Variants in DISC1 observed in about 807,000 individuals in gnomAD.
The protein encoded by DISC1 is DISC1 scaffold protein.
Under a neutral mutation model 84.5 loss-of-function variants are expected in DISC1, and 57 were observed. The observed-to-expected ratio is 0.67, with a 90% confidence interval of 0.55 to 0.84. The LOEUF (loss-of-function observed/expected upper bound fraction) is 0.84. Among genes scored for constraint, DISC1 ranks in the 40% least tolerant of loss-of-function variants. The pLI, the probability that DISC1 is intolerant of heterozygous loss-of-function variation, is 0.00. For missense variants in DISC1, 1,000 were observed against 1,057.8 expected (o/e 0.95, Z 0.76); for synonymous variants, 411 against 415.2 (o/e 0.99, Z 0.12).
chr1:231,914,913 A>G (rs1392275863), intron 9 of DISC1, among the ~76,000 whole-genome samples: 1 of 152,240 alleles, frequency 6.6e-6, no homozygotes, highest in Non-Finnish European at 1.5e-5. Flanking sequence ...GTCCTGTACC[A>G]GTCAGGAGCC....
chr1:231,882,539 G>A (rs1170287223), intron 9 of DISC1, among the ~76,000 whole-genome samples: 2 of 152,142 alleles, frequency 1.3e-5, no homozygotes, highest in Non-Finnish European at 2.9e-5. Context: ...AATCCTCTGG[G>A]TGTCGTTTGA....
chr1:231,927,109 C>T (rs1337393765), intron 9 of DISC1, among the ~76,000 whole-genome samples: 1 of 152,210 alleles, frequency 6.6e-6, no homozygotes. Flanking sequence ...GTCCTTCCAA[C>T]TAGTTGCTCT....
intron 9 of DISC1, among the ~76,000 whole-genome samples, chr1:231,853,454 T>C (rs993047088): frequency 6.6e-6 from 1 of 152,218 alleles, no homozygotes; most frequent in Non-Finnish European, 1.5e-5. Context: ...TAGGCAATTG[T>C]CACACTGTAA....
chr1:231,769,066 A>G (rs886854846), intron 5 of DISC1, among the ~76,000 whole-genome samples: 12 of 152,166 alleles, frequency 7.9e-5, no homozygotes, highest in Admixed American at 7.2e-4. Context: ...GGGCCTTGTA[A>G]GGATGTGGAC....
At chr1:231,978,875 G>A (rs1475780611) in intron 10 of DISC1, among the ~76,000 whole-genome samples, 7 of 152,130 alleles carry the variant, frequency 4.6e-5, no homozygotes, top group East Asian at 1.9e-4. Context: ...TGTAGATCAG[G>A]GGTCTCCAAC....
chr1:231,827,825 G>A (rs1171230644), intron 9 of DISC1, among the ~76,000 whole-genome samples: 1 of 152,148 alleles, frequency 6.6e-6, no homozygotes, highest in Non-Finnish European at 1.5e-5. Context: ...ACAACCCTGA[G>A]TGAATGCACT....
chr1:231,706,421 CT>C (rs555969298), intron 3 of DISC1, among the ~76,000 whole-genome samples: 180 of 152,290 alleles, frequency 1.2e-3, no homozygotes, highest in African/African-American at 4.2e-3. Flanking sequence ...CTAGTTGTTC[CT>C]GCACCTGTTT....
intron 7 of DISC1, among the ~76,000 whole-genome samples, chr1:231,797,912 G>C (rs1281335209): frequency 1.3e-5 from 2 of 151,992 alleles, no homozygotes; most frequent in Admixed American, 1.3e-4. Flanking sequence ...GTGCAGAGGT[G>C]GATAGGTGTG....
At position 231,698,184 on chromosome 1, in the gene DISC1, A is replaced by G. The variant is rs2065951243; in HGVS notation, c.1047+3379A>G. ...ACCGATGGAGGAAGGTGTTGTGACCAGGGGTTCACAGGAACCTACCCTGTA... is the reference window on the plus strand; with the variant it reads ...ACCGATGGAGGAAGGTGTTGTGACCGGGGGTTCACAGGAACCTACCCTGTA... On this transcript the variant is annotated intron_variant, in intron 2 of 12. Coordinates refer to ENST00000439617, the MANE Select transcript of DISC1 (RefSeq NM_018662.3). The surrounding 1 kb of genome is among the most constrained non-coding windows in gnomAD (Gnocchi z 4.9). Among the ~76,000 whole-genome samples, 1 of 152,206 alleles carries G rather than the reference A, an allele frequency of 6.6e-6. No homozygotes were observed. The highest frequency in any genetic ancestry group is 2.1e-4 in the South Asian group (1 of 4,830).
chr1:232,002,750 G>A (rs187216754), intron 10 of DISC1, among the ~76,000 whole-genome samples: 7 of 152,288 alleles, frequency 4.6e-5, no homozygotes, highest in East Asian at 1.9e-4. Flanking sequence ...GGACTAGAGA[G>A]GGGGAGGCAT....
chr1:231,633,116 A>G (rs939608350), intron 1 of DISC1, among the ~76,000 whole-genome samples: 2 of 152,176 alleles, frequency 1.3e-5, no homozygotes, highest in African/African-American at 2.4e-5. Flanking sequence ...AGTAATTACT[A>G]TTGTTACACT....
At chr1:231,710,629 T>C (rs2067698511) in intron 3 of DISC1, among the ~76,000 whole-genome samples, 1 of 152,206 alleles carries the variant, frequency 6.6e-6, no homozygotes, top group Non-Finnish European at 1.5e-5. Context: ...GTCAGTAGGG[T>C]TGGTCTCTTC....
At position 231,905,754 on chromosome 1, in the gene DISC1, C is replaced by T. The variant is rs369118909; in HGVS notation, c.1982-53074C>T. 4.4e-4 allele frequency among the ~76,000 whole-genome samples: 67 copies of T among 152,182 alleles called. No individual in the cohort carries two copies. The South Asian group carries it at 0.014, about 31-fold the overall frequency. On this transcript the variant is annotated intron_variant, in intron 9 of 12. Coordinates refer to ENST00000439617, the MANE Select transcript of DISC1 (RefSeq NM_018662.3). ...CTTTTGTTGTTATAAAAGGCATTAT[C>T]AGGACATTTGGCAACATTTCAATGA... is the stretch of plus-strand genomic sequence containing the variant.
intron 12 of DISC1, among the ~76,000 whole-genome samples, chr1:232,035,306 A>G (rs189767676): frequency 6.6e-6 from 1 of 152,226 alleles, no homozygotes; most frequent in African/African-American, 2.4e-5. Flanking sequence ...AAAAATTAGC[A>G]TGGTGGCACA....
chr1:231,986,798 G>C (rs889925019), intron 10 of DISC1, among the ~76,000 whole-genome samples: 1 of 152,166 alleles, frequency 6.6e-6, no homozygotes, highest in African/African-American at 2.4e-5. Flanking sequence ...ATTGAATACT[G>C]ATAAGGATGT....
chr1:231,697,178 G>A (rs763814296), intron 2 of DISC1, among the ~76,000 whole-genome samples: 4 of 152,124 alleles, frequency 2.6e-5, no homozygotes, highest in Admixed American at 6.6e-5. Context: ...GCAGAAGGTC[G>A]GTGAAGGATC....
intron 11 of DISC1, among the ~76,000 whole-genome samples, chr1:232,017,045 A>T (rs1185899524): frequency 6.6e-6 from 1 of 152,214 alleles, no homozygotes; most frequent in Non-Finnish European, 1.5e-5. Context: ...TGTGAAATAT[A>T]TTCTTTGTGT....
rs374773822 is a variant in DISC1 at position 231,943,515 on chromosome 1, CA to C, written c.1982-15312del. Among the ~76,000 whole-genome samples the C allele has an allele frequency of 4.0e-3, 608 of 152,262 alleles. 6 individuals are homozygous for C. The highest frequency in any genetic ancestry group is 0.013 in the African/African-American group (528 of 41,554). The stretch of plus-strand genomic sequence containing the variant: ...TAGCCCAGCATGTGAGACCCTAGTA[CA>C]GGAGGTGGTTGGGGGTGTGGGTTCT... On this transcript the variant is annotated intron_variant, in intron 9 of 12. Transcript: ENST00000439617.
At chr1:231,693,675 T>C in intron 1 of DISC1, 151 bp from the exon 2 acceptor site, 1 of 1,134,862 alleles carries the variant, frequency 8.8e-7, no homozygotes, top group Non-Finnish European at 1.3e-6. Flanking sequence ...ATTTACATAA[T>C]GGATTGGCCC....
Sources: gnomAD v4.1 joint callset for allele counts (sites outside exome capture counted in the v4.1 genomes callset) on GRCh38, gnomAD v4.1.1 for gene constraint, Gnocchi (gnomAD v3.1) non-coding constraint, MANE v1.5 for transcripts, NCBI Gene and HGNC (gene_info 2026-07-23, HGNC 2026-07-21) for gene names.